RAD52: variants seen among roughly 807,000 people sequenced by gnomAD.
RAD52 encodes the protein RAD52 DNA repair protein.
In RAD52, 47 loss-of-function variants were observed where a neutral mutation model predicts 55.5. That is an observed-to-expected ratio of 0.85 (90% CI 0.67 to 1.08). RAD52 has a LOEUF of 1.08. RAD52 is among the 50% of genes least tolerant of loss of function. The pLI, the probability that RAD52 is intolerant of heterozygous loss-of-function variation, is 0.00. For synonymous variants in RAD52, 184 were observed against 198.9 expected (o/e 0.92, Z 0.63); for missense variants, 468 against 522.8 (o/e 0.90, Z 1.02).
At chr12:982,047 C>T (rs544110096) in intron 1 of RAD52, among the ~76,000 whole-genome samples, 14 of 152,294 alleles carry the variant, frequency 9.2e-5, no homozygotes, top group African/African-American at 3.4e-4. Context: ...CCTGTATCTT[C>T]TGGGCCTGCA....
At chr12:966,210 T>C (rs186988261) in intron 1 of RAD52, among the ~76,000 whole-genome samples, 22 of 151,534 alleles carry the variant, frequency 1.5e-4, no homozygotes, top group African/African-American at 4.4e-4. Context: ...CAAGAGATCC[T>C]CCCACTCCAG....
upstream of RAD52, among the ~76,000 whole-genome samples, chr12:990,833 G>C (rs1959175948): frequency 6.6e-6 from 1 of 151,960 alleles, no homozygotes; most frequent in Non-Finnish European, 1.5e-5. Flanking sequence ...GCGGCTCCTC[G>C]GGCTTCCAGC....
At position 920,044 on chromosome 12, in the gene RAD52, ACT is replaced by A. The variant is rs1329986772; in HGVS notation, c.544-3226_544-3225del. Among the ~76,000 whole-genome samples the A allele has an allele frequency of 2.2e-4, 23 of 106,168 alleles. 7 individuals are homozygous for A. Among genetic ancestry groups the A allele is most frequent in the African/African-American group, 9.3e-4 (23 of 24,850 alleles). 69.7% of individuals were successfully genotyped at this position (106,168 alleles called of 152,430 possible). A position where few individuals can be genotyped will look rare whatever the true frequency, so the allele number is the denominator to read the frequency against. On this transcript the variant is annotated intron_variant, in intron 7 of 11. Transcript: ENST00000358495. Reference sequence around the variant, plus strand: ...CCCAGCCTGGGCAACAAGAGCAAAAACTCTGTCTCAAAAAAAAAAAAAATTAG... The same window carrying A: ...CCCAGCCTGGGCAACAAGAGCAAAAACTGTCTCAAAAAAAAAAAAAATTAG...
chr12:912,722 CAAAAAAAA>C lies in RAD52; in HGVS notation c.*661_*668del, dbSNP rs60090525. 16 of 73,154 alleles carry C rather than the reference CAAAAAAAA, an allele frequency of 2.2e-4. No individual in the cohort carries two copies. The highest frequency in any genetic ancestry group is 1.1e-3 in the South Asian group (2 of 1,764). The allele number at this position is 73,154 out of a possible 1,614,324, so 4.5% of individuals were successfully genotyped here. On this transcript the variant is annotated 3_prime_UTR_variant, in exon 12 of 12. Transcript: ENST00000358495. Reference sequence around the variant, plus strand: ...AGGGCAACACAGCCAGACCCCGTCTCAAAAAAAAAAAAAAAAAAAAAAACAAAAAACAG... The same window carrying C: ...AGGGCAACACAGCCAGACCCCGTCTCAAAAAAAAAAAAAAACAAAAAACAG...
Position 947,474 on chromosome 12 carries a change from C to G in RAD52, c.-19+2128G>C, listed in dbSNP as rs1050231628. Reference sequence around the variant, plus strand: ...ACCAGCATTGCCAACACGGTGAAACCCTGTCTCTACTAAAAATACCAAAAA... The same window carrying G: ...ACCAGCATTGCCAACACGGTGAAACGCTGTCTCTACTAAAAATACCAAAAA... On this transcript the variant is annotated intron_variant, in intron 1 of 11. Transcript: ENST00000358495. 2.7e-5 allele frequency among the ~76,000 whole-genome samples: 4 copies of G among 149,602 alleles called. No homozygotes were observed. In the Admixed American group the frequency reaches 2.7e-4, roughly 10 times the overall value.
At chr12:920,769 G>A (rs1176016669) in intron 7 of RAD52, among the ~76,000 whole-genome samples, 1 of 152,126 alleles carries the variant, frequency 6.6e-6, no homozygotes, top group African/African-American at 2.4e-5. Context: ...AGGCGATAGA[G>A]TATTTGAACA....
chr12:916,219 GAGAGAA>G, intron 9 of RAD52, 119 bp downstream of exon 9: 19 of 1,486,840 alleles, frequency 1.3e-5, no homozygotes, highest in Admixed American at 7.6e-5. Context: ...CGTGTAGCTT[GAGAGAA>G]GTCCCAGCGA....
At chr12:952,282 T>A (rs1430073041), upstream of RAD52, among the ~76,000 whole-genome samples, 1 of 152,140 alleles carries the variant, frequency 6.6e-6, no homozygotes, top group African/African-American at 2.4e-5. Flanking sequence ...AAATTTTTTT[T>A]AGAGAGGGGT....
rs758991189 is a variant in RAD52, at chr12:933,024, C to T, written c.35G>A (p.Arg12His). 20 of 1,613,890 alleles carry T rather than the reference C, an allele frequency of 1.2e-5. No individual in the cohort carries two copies. Among genetic ancestry groups the T allele is most frequent in the South Asian group, 7.7e-5 (7 of 91,084 alleles). ...SGTEEAILGGRDSHPAAGGGS... is the reference protein window; with the variant it reads ...SGTEEAILGGHDSHPAAGGGS... Reference sequence around the variant, plus strand: ...GCCGCCAGCAGCAGGATGGCTGTCACGTCCTCCAAGAATTGCTTCCTCAGT... The same window carrying T: ...GCCGCCAGCAGCAGGATGGCTGTCATGTCCTCCAAGAATTGCTTCCTCAGT... Residue 12 changes from arginine (R) to histidine (H), a missense_variant, in exon 2 of 12, where the codon CGT (arginine) becomes CAT (histidine). Arg to His is a conservative substitution (Grantham distance 29). Transcript: ENST00000358495.
chr12:973,779 C>CTTTTTTTTTTTTTTTTT (rs1401411600), intron 1 of RAD52, among the ~76,000 whole-genome samples: 6 of 136,858 alleles, frequency 4.4e-5, no homozygotes, highest in Non-Finnish European at 6.1e-5. Flanking sequence ...ACGCCCAGTC[C>CTTTTTTTTTTTTTTTTT]TTCTTTTTTT....
In RAD52 at chr12:917,562, T is replaced by C. The variant is rs572380388; in HGVS notation, c.544-742A>G. Among the ~76,000 whole-genome samples the C allele has an allele frequency of 6.6e-5, 10 of 152,124 alleles. No homozygotes were observed. In the East Asian group the frequency reaches 1.7e-3, roughly 26 times the overall value. ...TTATAGTGCAGATTTCATGTCTACA[T>C]TGAAAGATAAATGAGTAGTTTAAAA... is the stretch of plus-strand genomic sequence containing the variant. On this transcript the variant is annotated intron_variant, in intron 7 of 11. Transcript: ENST00000358495.
At chr12:918,977 G>A (rs565466155) in intron 7 of RAD52, among the ~76,000 whole-genome samples, 13 of 152,190 alleles carry the variant, frequency 8.5e-5, no homozygotes, top group Non-Finnish European at 1.6e-4. Flanking sequence ...AATTCCATTT[G>A]TGAACTTTAC....
chr12:955,122 T>C (rs972160651), intron 1 of RAD52, among the ~76,000 whole-genome samples: 20 of 152,158 alleles, frequency 1.3e-4, no homozygotes, highest in Middle Eastern at 3.2e-3. Flanking sequence ...ATTTAAGAGG[T>C]GGGACAATTG....
At chr12:962,756 C>G (rs1237816529) in intron 1 of RAD52, among the ~76,000 whole-genome samples, 1 of 152,082 alleles carries the variant, frequency 6.6e-6, no homozygotes, top group Non-Finnish European at 1.5e-5. Context: ...CTCTGTCACC[C>G]AGGCTGGAGT....
intron 1 of RAD52, among the ~76,000 whole-genome samples, chr12:944,705 G>A (rs889111444): frequency 2.0e-5 from 3 of 149,962 alleles, no homozygotes; most frequent in Admixed American, 2.0e-4. Context: ...ATATTAAAAA[G>A]GTAAAGACTG....
At chr12:971,887 T>C (rs1688754272) in intron 1 of RAD52, among the ~76,000 whole-genome samples, 1 of 152,182 alleles carries the variant, frequency 6.6e-6, no homozygotes, top group Admixed American at 6.5e-5. Context: ...TAGCTGGGAC[T>C]ACAGGCACCC....
Position 915,937 on chromosome 12 carries a change from A to G in RAD52, c.865+407T>C, listed in dbSNP as rs11571465. On this transcript the variant is annotated intron_variant, in intron 9 of 11. Transcript: ENST00000358495. ...TCGCCATGATGGCCAGGCTGGTCTC[A>G]AACTCCTGACCTCACGTGATCCGCC... Among the ~76,000 whole-genome samples the G allele has an allele frequency of 6.3e-4, 96 of 152,216 alleles. No individual in the cohort carries two copies. In the East Asian group the frequency reaches 0.018, roughly 29 times the overall value.
At chr12:969,152 G>A (rs941478175) in intron 1 of RAD52, among the ~76,000 whole-genome samples, 5 of 151,996 alleles carry the variant, frequency 3.3e-5, no homozygotes, top group African/African-American at 9.7e-5. Context: ...GAGGATGTAC[G>A]TAGTTTATAT....
At chr12:952,366 C>G (rs1958540366), upstream of RAD52, among the ~76,000 whole-genome samples, 1 of 152,172 alleles carries the variant, frequency 6.6e-6, no homozygotes, top group Non-Finnish European at 1.5e-5. Flanking sequence ...TCCTGAGTAG[C>G]TGGGACTACA....
Sources: allele counts gnomAD v4.1 joint callset (sites outside exome capture counted in the v4.1 genomes callset), GRCh38; gene constraint gnomAD v4.1.1; transcripts MANE v1.5; gene names NCBI Gene and HGNC (gene_info 2026-07-23, HGNC 2026-07-21).